The following MX1 variants were observed in gnomAD, a reference collection of about 807,000 sequenced individuals.
MX1 encodes the protein MX dynamin like GTPase 1.
Under a neutral mutation model 66.4 loss-of-function variants are expected in MX1, and 66 were observed. The observed-to-expected ratio is 0.99, with a 90% CI of 0.82 to 1.22. MX1 has a LOEUF of 1.22. Ranked by LOEUF, MX1 falls within the 50% of genes most tolerant of loss-of-function variation. The pLI is 0.00. For synonymous variants in MX1, 311 were observed against 318.1 expected, an observed-to-expected ratio of 0.98 and a Z score of 0.24; for missense variants, 787 against 834.3, an observed-to-expected ratio of 0.94 and a Z score of 0.70.
At chr21:41,425,377 C>T (rs910041993), upstream of MX1, among the ~76,000 whole-genome samples, 1 of 152,110 alleles carries the variant, frequency 6.6e-6, no homozygotes, top group Non-Finnish European at 1.5e-5. Flanking sequence ...TACAAATAAC[C>T]TTCTTAAGGG....
chr21:41,421,542 C>T (rs1333102074), upstream of MX1, among the ~76,000 whole-genome samples: 4 of 152,306 alleles, frequency 2.6e-5, no homozygotes, highest in South Asian at 4.1e-4. Flanking sequence ...TGCGGCCTTC[C>T]GCAGTGTTTG....
chr21:41,433,038 C>T (rs919852378), intron 5 of MX1, among the ~76,000 whole-genome samples: 4 of 152,216 alleles, frequency 2.6e-5, no homozygotes, highest in Non-Finnish European at 5.9e-5. Context: ...GGAACTCTCA[C>T]CCACTCATAC....
chr21:41,441,862 T>C lies in MX1; in HGVS notation c.877T>C (p.Ser293Pro), dbSNP rs773401915. 1 of 1,614,146 alleles carries C rather than the reference T, an allele frequency of 6.2e-7. No homozygotes were observed. Among genetic ancestry groups the C allele is most frequent in the Admixed American group, 1.7e-5 (1 of 60,024 alleles). The change falls in exon 10 of 17, where the codon TCC (serine) becomes CCC (proline). Residue 293 changes from serine to proline, a missense_variant. By Grantham distance (74) the Ser-to-Pro change is moderately conservative (BLOSUM62 -1). Coordinates refer to ENST00000398598, the MANE Select transcript of MX1 (RefSeq NM_002462.5). This position sits in a 1 kb window ranked among gnomAD's most constrained non-coding sequence, Gnocchi z 4.0. ...GGAGATCCAGGACCAGCTGAGCCTG[T>C]CCGAAGCCCTGCAGAGAGAGAAGAT... ...QQEIQDQLSL[S>P]EALQREKIFF...
At position 41,441,474 on chromosome 21, in the gene MX1, G is replaced by A. The variant is rs576967809; in HGVS notation, c.731-242G>A. Reference sequence around the variant, plus strand: ...ACGTGGCGTGTTCTACAGTGGACCCGGGTGAAGGAGCTTGGGGAGAGCCAC... The same window carrying A: ...ACGTGGCGTGTTCTACAGTGGACCCAGGTGAAGGAGCTTGGGGAGAGCCAC... On this transcript the variant is annotated intron_variant, in intron 9 of 16. Transcript: ENST00000398598. This position sits in a 1 kb window ranked among gnomAD's most constrained non-coding sequence, Gnocchi z 4.0. 3.9e-5 allele frequency: 22 copies of A among 567,892 alleles called. No individual in the cohort carries two copies. Among genetic ancestry groups the A allele is most frequent in the South Asian group, 1.4e-4 (7 of 48,962 alleles). 35.2% of individuals were successfully genotyped at this position (567,892 alleles called of 1,614,324 possible).
Position 41,452,761 on chromosome 21 carries a change from GGAAGAAGAAAA to G in MX1, c.1661_1671del (p.Lys554IlefsTer114), listed in dbSNP as rs1157697051. The G allele has an allele frequency of 1.9e-6, 3 of 1,614,182 alleles. No homozygotes were observed. Among genetic ancestry groups the G allele is most frequent in the Non-Finnish European group, 2.5e-6 (3 of 1,180,036 alleles). ...TGCAGAAGGTCAGAGAGAAGGAGCT[GGAAGAAGAAAA>G]GAAGAAGAAATCCTGGGATTTTGGG... On this transcript the variant is annotated frameshift_variant, in exon 16 of 17. Transcript: ENST00000398598. LOFTEE classifies it high-confidence loss of function.
chr21:41,446,066 G>A lies in MX1; in HGVS notation c.1198G>A (p.Asp400Asn), dbSNP rs148512486. ...MQGEETVGEE[D>N]IRLFTRLRHE... ...AGGAGAGGAAACTGTAGGGGAGGAA[G>A]ACATTCGGCTGTTTACCAGACTCCG... Residue 400 changes from aspartate to asparagine, a missense_variant, in exon 13 of 17, where the codon GAC becomes AAC. Physicochemically the swap from Asp to Asn is conservative, Grantham distance 23. Coordinates refer to ENST00000398598, the MANE Select transcript of MX1 (RefSeq NM_002462.5). The A allele has an allele frequency of 1.2e-5, 19 of 1,614,080 alleles. No individual in the cohort carries two copies. The highest frequency in any genetic ancestry group is 1.4e-5 in the Non-Finnish European group (16 of 1,180,044).
intron 3 of MX1, chr21:41,428,116 G>A (rs1022322406): frequency 2.6e-5 from 4 of 152,204 alleles, no homozygotes; most frequent in African/African-American, 9.7e-5. Context: ...ATATTGGCCA[G>A]GCTGGTTTCA....
At position 41,441,644 on chromosome 21, in the gene MX1, C is replaced by T. The variant is rs1422023668; in HGVS notation, c.731-72C>T. 4.7e-6 allele frequency: 7 copies of T among 1,495,916 alleles called. No individual in the cohort carries two copies. The highest frequency in any genetic ancestry group is 6.5e-6 in the Non-Finnish European group (7 of 1,074,232). The allele number at this position is 1,495,916 out of a possible 1,614,324, so 92.7% of individuals were successfully genotyped here. A position where few individuals can be genotyped will look rare whatever the true frequency, so the allele number is the denominator to read the frequency against. On this transcript the variant is annotated intron_variant, in intron 9 of 16. Coordinates refer to ENST00000398598, the MANE Select transcript of MX1 (RefSeq NM_002462.5). This position sits in a 1 kb window ranked among gnomAD's most constrained non-coding sequence, Gnocchi z 4.0. ...GGAGGAAACCCTGGGAGGCCGGGGG[C>T]GTGAGCAGTTGTTCGTTCACCTCTG...
intron 2 of MX1, 22 bp downstream of exon 2, chr21:41,427,326 C>T (rs2090090900): frequency 1.3e-5 from 2 of 152,170 alleles, no homozygotes; most frequent in Admixed American, 1.3e-4. Context: ...TGCATTTGGT[C>T]TAAAGGGCAA....
intron 15 of MX1, 22 bp downstream of exon 15, chr21:41,451,265 T>TA: frequency 2.7e-6 from 4 of 1,482,824 alleles, no homozygotes; most frequent in Non-Finnish European, 3.7e-6. Context: ...CATGTGTTGT[T>TA]TAAAAAAAAA....
At chr21:41,427,064 T>C (rs1465612884) in intron 1 of MX1, 142 bp from the exon 2 acceptor site, 2 of 152,308 alleles carry the variant, frequency 1.3e-5, no homozygotes, top group African/African-American at 2.4e-5. Flanking sequence ...AGCTGGGCAA[T>C]TGGGATGGCC....
In MX1 at chr21:41,459,025, C is replaced by T. The variant is rs142695887; in HGVS notation, c.*267C>T. On this transcript the variant is annotated 3_prime_UTR_variant, in exon 17 of 17. Coordinates refer to ENST00000398598, the MANE Select transcript of MX1 (RefSeq NM_002462.5). ...GAAAGGGATTTTCAGCCCTCAGAAT[C>T]GCTCCACCTTGCAGCTCTCCCCTTC... 2.6e-5 allele frequency: 15 copies of T among 572,054 alleles called. No homozygotes were observed. Among genetic ancestry groups the T allele is most frequent in the East Asian group, 2.9e-5 (1 of 34,178 alleles). The allele number at this position is 572,054 out of a possible 1,614,324, so 35.4% of individuals were successfully genotyped here. A position where few individuals can be genotyped will look rare whatever the true frequency, so the allele number is the denominator to read the frequency against.
chr21:41,440,518 G>T (rs77214232), intron 8 of MX1, among the ~76,000 whole-genome samples: 2,896 of 152,220 alleles, frequency 0.019, 137 homozygotes, highest in East Asian at 0.16. Flanking sequence ...AAAGAAATAG[G>T]TATAATGATA....
At chr21:41,449,350 A>C (rs2090760483) in intron 14 of MX1, 55 bp downstream of exon 14, 2 of 1,553,546 alleles carry the variant, frequency 1.3e-6, no homozygotes, top group African/African-American at 1.4e-5. Flanking sequence ...GAAAGGTTCG[A>C]ACCAAAGCCA....
chr21:41,450,283 A>G (rs2090787610), intron 14 of MX1, among the ~76,000 whole-genome samples: 1 of 152,054 alleles, frequency 6.6e-6, no homozygotes, highest in African/African-American at 2.4e-5. Context: ...CCTACTGTGG[A>G]TCCACTCCCT....
chr21:41,433,036 C>T (rs2090265448), intron 5 of MX1, among the ~76,000 whole-genome samples: 1 of 152,200 alleles, frequency 6.6e-6, no homozygotes, highest in African/African-American at 2.4e-5. Flanking sequence ...GAGGAACTCT[C>T]ACCCACTCAT....
Position 41,441,102 on chromosome 21 carries a change from A to AGCATGGGGGAGCCCG in MX1, c.730+77_730+78insGCATGGGGGAGCCCG, listed in dbSNP as rs1568980728. 2 of 1,285,998 alleles carry AGCATGGGGGAGCCCG rather than the reference A, an allele frequency of 1.6e-6. No individual in the cohort carries two copies. Among genetic ancestry groups the AGCATGGGGGAGCCCG allele is most frequent in the Non-Finnish European group, 1.0e-6 (1 of 971,000 alleles). The allele number at this position is 1,285,998 out of a possible 1,614,324, so 79.7% of individuals were successfully genotyped here. ...GTGCTCGGTGAGAATGGGGGAGCCC[A>AGCATGGGGGAGCCCG]CCTGTGCTCGGTGAGAATGGGGGAG... On this transcript the variant is annotated intron_variant, in intron 9 of 16. Transcript: ENST00000398598. This position sits in a 1 kb window ranked among gnomAD's most constrained non-coding sequence, Gnocchi z 4.0.
intron 16 of MX1, among the ~76,000 whole-genome samples, chr21:41,453,117 C>T (rs2280808): frequency 0.19 from 28,715 of 152,028 alleles, 3,159 homozygotes; most frequent in East Asian, 0.42. Flanking sequence ...TCTACCATCA[C>T]GGCAGAAGGC....
At chr21:41,436,865 TC>T (rs2090377671) in intron 6 of MX1, 149 bp from the exon 7 acceptor site, 1 of 882,766 alleles carries the variant, frequency 1.1e-6, no homozygotes, top group South Asian at 1.8e-5. Context: ...CAGTGCGATG[TC>T]CCCGCATATC....
Sources: allele counts gnomAD v4.1 joint callset (sites outside exome capture counted in the v4.1 genomes callset), GRCh38; gene constraint gnomAD v4.1.1; non-coding constraint Gnocchi (gnomAD v3.1); transcripts MANE v1.5; gene names NCBI Gene and HGNC (gene_info 2026-07-23, HGNC 2026-07-21).